The following ARHGAP44 variants were observed in gnomAD, a reference collection of about 807,000 sequenced individuals.
The protein encoded by ARHGAP44 is Rho GTPase activating protein 44, also known as rho GTPase-activating protein 44.
In ARHGAP44, 43 loss-of-function variants were observed where a neutral mutation model predicts 106.8. The ratio of observed to expected loss-of-function variants is 0.40; its 90% CI spans 0.32 to 0.52. The LOEUF is 0.52. Among genes scored for constraint, ARHGAP44 ranks in the 20% least tolerant of loss-of-function variants. The pLI is 0.48. For synonymous variants in ARHGAP44, 439 were observed against 410.3 expected (o/e 1.07, Z -0.85); for missense variants, 866 against 1,050.5 (o/e 0.82, Z 2.43).
chr17:12,847,510 C>CTTTTTTTTT lies in ARHGAP44; in HGVS notation c.54-47429_54-47428insTTTTTTTTT, dbSNP rs201835763. Among the ~76,000 whole-genome samples, 2 of 133,602 alleles carry CTTTTTTTTT rather than the reference C, an allele frequency of 1.5e-5. 1 individual carries two copies. The highest frequency in any genetic ancestry group is 6.6e-5 in the African/African-American group (2 of 30,206). 87.6% of individuals were successfully genotyped at this position (133,602 alleles called of 152,430 possible). ...TACACCTTCCTTCAAGCTACCATCA[C>CTTTTTTTTT]TCTTTTTTTTTTTTTTTTTTTGAGA... On this transcript the variant is annotated intron_variant, in intron 1 of 20. Coordinates refer to ENST00000379672, the MANE Select transcript of ARHGAP44 (RefSeq NM_014859.6).
intron 3 of ARHGAP44, among the ~76,000 whole-genome samples, chr17:12,897,848 C>T (rs1296437656): frequency 1.3e-5 from 2 of 150,724 alleles, no homozygotes; most frequent in African/African-American, 2.4e-5. Context: ...TGTTGGTAGG[C>T]GGATTAGTAC....
chr17:12,957,234 A>C (rs2039152644), intron 15 of ARHGAP44, among the ~76,000 whole-genome samples: 1 of 152,180 alleles, frequency 6.6e-6, no homozygotes, highest in Non-Finnish European at 1.5e-5. Context: ...CTGGGATTAC[A>C]GGCGTCAGCC....
chr17:12,848,756 G>T (rs147274739), intron 1 of ARHGAP44, among the ~76,000 whole-genome samples: 43 of 152,190 alleles, frequency 2.8e-4, no homozygotes, highest in African/African-American at 9.6e-4. Flanking sequence ...TTAATCAAAA[G>T]AAATGTTGAG....
chr17:12,845,523 C>CAA (rs370128532), intron 1 of ARHGAP44, among the ~76,000 whole-genome samples: 8,767 of 141,014 alleles, frequency 0.062, 445 homozygotes, highest in African/African-American at 0.15. Context: ...AAAAAAAAAA[C>CAA]AAAAAAACAA....
At chr17:12,950,195 G>GT (rs1260152047) in intron 12 of ARHGAP44, among the ~76,000 whole-genome samples, 1 of 152,154 alleles carries the variant, frequency 6.6e-6, no homozygotes, top group Non-Finnish European at 1.5e-5. Flanking sequence ...GTTCTGGAAG[G>GT]GCTCACGTAG....
chr17:12,817,649 T>A (rs1390777252), intron 1 of ARHGAP44, among the ~76,000 whole-genome samples: 1 of 151,916 alleles, frequency 6.6e-6, no homozygotes, highest in Non-Finnish European at 1.5e-5. Context: ...AAAATGTAAG[T>A]GAAAACACAA....
intron 16 of ARHGAP44, among the ~76,000 whole-genome samples, chr17:12,968,828 G>A (rs1239662865): frequency 1.3e-5 from 2 of 148,576 alleles, no homozygotes; most frequent in Non-Finnish European, 3.0e-5. Context: ...GGAGTGCAGT[G>A]GCGCCATCTC....
intron 3 of ARHGAP44, among the ~76,000 whole-genome samples, chr17:12,903,128 A>AGAGAGAGAGAGAGAG (rs2037437259): frequency 1.2e-5 from 1 of 81,134 alleles, no homozygotes; most frequent in Non-Finnish European, 2.7e-5. Flanking sequence ...GAGAGAGAGG[A>AGAGAGAGAGAGAGAG]GAGAGAGAGA....
At chr17:12,837,509 G>A (rs930593201) in intron 1 of ARHGAP44, among the ~76,000 whole-genome samples, 31 of 152,266 alleles carry the variant, frequency 2.0e-4, no homozygotes, top group African/African-American at 7.2e-4. Flanking sequence ...TGACTAATGA[G>A]TTGACCTGAG....
chr17:12,911,857 C>T (rs925220502), intron 4 of ARHGAP44, among the ~76,000 whole-genome samples: 18 of 152,158 alleles, frequency 1.2e-4, no homozygotes, highest in African/African-American at 4.1e-4. Context: ...CAGGACTTTA[C>T]CCTCTAAGCA....
At chr17:12,905,448 C>G (rs1036810458) in intron 3 of ARHGAP44, among the ~76,000 whole-genome samples, 1 of 152,096 alleles carries the variant, frequency 6.6e-6, no homozygotes, top group Non-Finnish European at 1.5e-5. Flanking sequence ...CCAGTCTGCA[C>G]TTTGCAGAAC....
At chr17:12,916,197 C>T (rs1004683541) in intron 5 of ARHGAP44, among the ~76,000 whole-genome samples, 186 bp downstream of exon 5, 6 of 152,104 alleles carry the variant, frequency 3.9e-5, no homozygotes, top group Non-Finnish European at 7.4e-5. Flanking sequence ...GCATTTGCTA[C>T]CCCTTCTCCT....
At chr17:12,857,689 A>G (rs1323855420) in intron 1 of ARHGAP44, among the ~76,000 whole-genome samples, 2 of 152,340 alleles carry the variant, frequency 1.3e-5, no homozygotes, top group East Asian at 3.9e-4. Flanking sequence ...TGTCTTTTAT[A>G]GGAAATGACT....
At chr17:12,977,096 T>TGG (rs1285516532) in intron 18 of ARHGAP44, among the ~76,000 whole-genome samples, 1 of 152,110 alleles carries the variant, frequency 6.6e-6, no homozygotes, top group Non-Finnish European at 1.5e-5. Flanking sequence ...GAGTTACTTG[T>TGG]GGGCAGGCAA....
At chr17:12,968,192 G>T (rs1037838343) in intron 16 of ARHGAP44, among the ~76,000 whole-genome samples, 1 of 152,180 alleles carries the variant, frequency 6.6e-6, no homozygotes, top group Non-Finnish European at 1.5e-5. Context: ...GAGGCGTCCC[G>T]ATCCAGCCCT....
chr17:12,808,296 C>G (rs1027113082), intron 1 of ARHGAP44, among the ~76,000 whole-genome samples: 5 of 152,236 alleles, frequency 3.3e-5, no homozygotes, highest in African/African-American at 1.2e-4. Flanking sequence ...TCTCACAGAT[C>G]CACTAGACAG....
chr17:12,892,856 A>G (rs1446843894), intron 1 of ARHGAP44, among the ~76,000 whole-genome samples: 1 of 146,318 alleles, frequency 6.8e-6, no homozygotes, highest in Non-Finnish European at 1.5e-5. Context: ...TTTCTTCTTT[A>G]TATCTTCTAT....
intron 1 of ARHGAP44, among the ~76,000 whole-genome samples, chr17:12,847,058 A>G (rs1227897945): frequency 6.6e-6 from 1 of 152,192 alleles, no homozygotes; most frequent in Non-Finnish European, 1.5e-5. Context: ...TCTGAATTAC[A>G]TCATTTTTAC....
At chr17:12,872,890 G>T (rs574986785) in intron 1 of ARHGAP44, among the ~76,000 whole-genome samples, 106 of 151,860 alleles carry the variant, frequency 7.0e-4, no homozygotes, top group Non-Finnish European at 1.1e-3. Flanking sequence ...TTTTATTTTG[G>T]TTTTTAGTAA....
Sources: allele counts gnomAD v4.1 joint callset (sites outside exome capture counted in the v4.1 genomes callset), GRCh38; gene constraint gnomAD v4.1.1; transcripts MANE v1.5; gene names NCBI Gene and HGNC (gene_info 2026-07-23, HGNC 2026-07-21).